The following CSMD1 variants were observed in gnomAD, a reference collection of about 807,000 sequenced individuals.
CSMD1 encodes the protein CUB and Sushi multiple domains 1, also known as CUB and sushi domain-containing protein 1.
A neutral mutation model predicts 417.5 loss-of-function variants in CSMD1; 213 were observed. The observed-to-expected ratio is 0.51, with a 90% CI of 0.46 to 0.57. CSMD1 has a LOEUF of 0.57. CSMD1 is among the 20% of genes least tolerant of loss of function. The pLI is 0.00. For missense variants in CSMD1, 6,923 were observed against 4,529.7 expected, an observed-to-expected ratio of 1.53 and a Z score of -15.17; for synonymous variants, 2,862 against 1,736.8, an observed-to-expected ratio of 1.65 and a Z score of -16.11.
chr8:3,906,151 G>C (rs1404660695), intron 5 of CSMD1, among the ~76,000 whole-genome samples: 1 of 152,158 alleles, frequency 6.6e-6, no homozygotes, highest in African/African-American at 2.4e-5. Context: ...TACCAGGTAA[G>C]CATCATACTA....
intron 1 of CSMD1, among the ~76,000 whole-genome samples, chr8:4,713,336 T>C (rs558674891): frequency 1.1e-4 from 16 of 152,276 alleles, no homozygotes; most frequent in Admixed American, 3.3e-4. Context: ...GTGTGGTGTC[T>C]TGCCATAGCT....
chr8:3,249,422 C>T (rs940053865), intron 26 of CSMD1, among the ~76,000 whole-genome samples: 3 of 152,164 alleles, frequency 2.0e-5, no homozygotes, highest in Non-Finnish European at 4.4e-5. Context: ...TGGCGTTTCA[C>T]CATGTTGGCC....
chr8:3,753,894 G>GC, intron 6 of CSMD1, 36 bp downstream of exon 6: 3 of 1,120,684 alleles, frequency 2.7e-6, no homozygotes, highest in Non-Finnish European at 3.8e-6. Flanking sequence ...ATTACGCTCT[G>GC]TTTTTTTTTT....
rs1563390150 is a variant in CSMD1, at chr8:3,439,154, C to CAAAAAAAAAAAAAAAAAAAA, written c.1562-29550_1562-29549insTTTTTTTTTTTTTTTTTTTT. 4.7e-3 allele frequency among the ~76,000 whole-genome samples: 126 copies of CAAAAAAAAAAAAAAAAAAAA among 26,598 alleles called. 25 individuals are homozygous for CAAAAAAAAAAAAAAAAAAAA. The highest frequency in any genetic ancestry group is 6.1e-3 in the African/African-American group (35 of 5,694). 17.4% of individuals were successfully genotyped at this position (26,598 alleles called of 152,430 possible). On this transcript the variant is annotated intron_variant, in intron 12 of 69. Coordinates refer to ENST00000635120, the MANE Select transcript of CSMD1 (RefSeq NM_033225.6). ...AAAAAAAAAAAAAAAAAAAAAAAAC[C>CAAAAAAAAAAAAAAAAAAAA]AAGAAAAAAAAAAGAAAAAGAAAAA...
intron 1 of CSMD1, among the ~76,000 whole-genome samples, chr8:4,739,721 C>T (rs1410745447): frequency 6.6e-6 from 1 of 152,136 alleles, no homozygotes; most frequent in Non-Finnish European, 1.5e-5. Context: ...TTACTAGGAG[C>T]TCGTGGTGGT....
At chr8:4,407,063 G>C (rs985759554) in intron 3 of CSMD1, among the ~76,000 whole-genome samples, 5 of 152,138 alleles carry the variant, frequency 3.3e-5, no homozygotes, top group African/African-American at 4.8e-5. Flanking sequence ...CACGGCCAAG[G>C]TCACTCAAGT....
At chr8:4,909,171 G>A (rs1379170365) in intron 1 of CSMD1, among the ~76,000 whole-genome samples, 2 of 152,158 alleles carry the variant, frequency 1.3e-5, no homozygotes, top group Non-Finnish European at 2.9e-5. Context: ...AGGGCCTTCT[G>A]CTGTAATCCA....
At chr8:3,944,647 G>A (rs540844760) in intron 5 of CSMD1, among the ~76,000 whole-genome samples, 1 of 152,156 alleles carries the variant, frequency 6.6e-6, no homozygotes, top group East Asian at 1.9e-4. Context: ...TATAACTGGT[G>A]GATTCATTTT....
chr8:4,174,965 T>C (rs1797963065), intron 3 of CSMD1, among the ~76,000 whole-genome samples: 1 of 151,498 alleles, frequency 6.6e-6, no homozygotes, highest in South Asian at 2.1e-4. Context: ...AAATTAGTAT[T>C]GATGGCTCTT....
At chr8:4,187,964 G>T (rs1352063308) in intron 3 of CSMD1, among the ~76,000 whole-genome samples, 2 of 151,764 alleles carry the variant, frequency 1.3e-5, no homozygotes, top group South Asian at 2.1e-4. Flanking sequence ...TACTACCATG[G>T]GTATTTTTAA....
At chr8:4,244,613 T>A (rs1802592095) in intron 3 of CSMD1, among the ~76,000 whole-genome samples, 1 of 152,014 alleles carries the variant, frequency 6.6e-6, no homozygotes, top group Non-Finnish European at 1.5e-5. Context: ...AGAAAAACAG[T>A]GCACTGAACA....
chr8:3,700,489 C>G (rs555140670), intron 7 of CSMD1: 1 of 152,148 alleles, frequency 6.6e-6, no homozygotes, highest in African/African-American at 2.4e-5. Flanking sequence ...TGTGGATGCT[C>G]AAGTCAACAG....
chr8:3,803,691 C>G (rs1302487749), intron 5 of CSMD1, among the ~76,000 whole-genome samples: 1 of 152,116 alleles, frequency 6.6e-6, no homozygotes, highest in African/African-American at 2.4e-5. Flanking sequence ...ATTTGTTGGT[C>G]AGAATTAGGA....
chr8:3,846,286 A>C (rs1803497390), intron 5 of CSMD1, among the ~76,000 whole-genome samples: 1 of 152,180 alleles, frequency 6.6e-6, no homozygotes. Flanking sequence ...CCATGTCAAT[A>C]GGTGATAGGA....
chr8:4,388,342 A>G (rs1241400405), intron 3 of CSMD1, among the ~76,000 whole-genome samples: 1 of 150,696 alleles, frequency 6.6e-6, no homozygotes, highest in Non-Finnish European at 1.5e-5. Context: ...ACACACACAC[A>G]CACGAACACA....
intron 57 of CSMD1, among the ~76,000 whole-genome samples, chr8:2,969,954 G>C (rs1439957973): frequency 1.3e-5 from 2 of 152,008 alleles, no homozygotes; most frequent in South Asian, 4.1e-4. Flanking sequence ...AATTTTGTGA[G>C]GCATGATATA....
chr8:4,493,300 G>C (rs771545062), intron 2 of CSMD1, among the ~76,000 whole-genome samples: 5 of 152,132 alleles, frequency 3.3e-5, no homozygotes, highest in East Asian at 1.9e-4. Context: ...AATCCTAAGA[G>C]AGAGAGAGTT....
chr8:4,122,843 G>T (rs75144718), intron 3 of CSMD1, among the ~76,000 whole-genome samples: 1 of 152,154 alleles, frequency 6.6e-6, no homozygotes, highest in Non-Finnish European at 1.5e-5. Flanking sequence ...AGAGTTCACA[G>T]AGAACAGAAA....
chr8:4,991,384 AG>A (rs1811454507), intron 1 of CSMD1, among the ~76,000 whole-genome samples: 1 of 152,246 alleles, frequency 6.6e-6, no homozygotes, highest in South Asian at 2.1e-4. Context: ...TGAAGAGTAC[AG>A]CACCATCAGC....
Sources: allele counts gnomAD v4.1 joint callset (sites outside exome capture counted in the v4.1 genomes callset), GRCh38; gene constraint gnomAD v4.1.1; transcripts MANE v1.5; gene names NCBI Gene and HGNC (gene_info 2026-07-23, HGNC 2026-07-21).